SNRPB2: variants seen among roughly 807,000 people sequenced by gnomAD.
SNRPB2 encodes U2 small nuclear ribonucleoprotein B''.
Under a neutral mutation model 26.3 loss-of-function variants are expected in SNRPB2, and 16 were observed. The observed-to-expected ratio is 0.61, with a 90% confidence interval of 0.41 to 0.92. The LOEUF (loss-of-function observed/expected upper bound fraction) is 0.92. SNRPB2 is among the 40% of genes least tolerant of loss of function. The pLI, the probability that SNRPB2 is intolerant of heterozygous loss-of-function variation, is 0.00. For synonymous variants in SNRPB2, 75 were observed against 89.0 expected (o/e 0.84, Z 0.88); for missense variants, 179 against 268.1 (o/e 0.67, Z 2.32).
At chr20:16,735,947 T>C (rs956962139) in intron 3 of SNRPB2, among the ~76,000 whole-genome samples, 1 of 152,260 alleles carries the variant, frequency 6.6e-6, no homozygotes, top group African/African-American at 2.4e-5. Context: ...CACATGTCAA[T>C]GCTTCTATTG....
chr20:16,741,961 AAAAG>A lies in SNRPB2; in HGVS notation c.*960_*963del, dbSNP rs1364460121. On this transcript the variant is annotated 3_prime_UTR_variant, in exon 7 of 7. Coordinates refer to ENST00000246071, the MANE Select transcript of SNRPB2 (RefSeq NM_003092.5). ...TACATATTAATAGTAACAACAACAA[AAAAG>A]AAAACAGTACTTATTTTTCTGGTGT... 1.3e-5 allele frequency: 2 copies of A among 151,894 alleles called. No individual in the cohort carries two copies. Among genetic ancestry groups the A allele is most frequent in the Non-Finnish European group, 2.9e-5 (2 of 67,910 alleles). The allele number at this position is 151,894 out of a possible 1,614,324, so 9.4% of individuals were successfully genotyped here.
intron 3 of SNRPB2, among the ~76,000 whole-genome samples, chr20:16,736,784 A>C (rs1209289005): frequency 6.6e-6 from 1 of 152,160 alleles, no homozygotes. Context: ...TTCTATGTCA[A>C]GCTGAGCAGT....
intron 3 of SNRPB2, among the ~76,000 whole-genome samples, chr20:16,736,656 T>G (rs1225760987): frequency 6.6e-6 from 1 of 152,156 alleles, no homozygotes; most frequent in Non-Finnish European, 1.5e-5. Context: ...GGCGATTTTC[T>G]TTATTTTTCA....
chr20:16,732,411 TTGAA>T, intron 3 of SNRPB2, 75 bp downstream of exon 3: 1 of 793,076 alleles, frequency 1.3e-6, no homozygotes, highest in South Asian at 1.9e-5. Flanking sequence ...GTAAATATGC[TTGAA>T]ACTGTGGCTA....
chr20:16,737,397 G>T lies in SNRPB2; in HGVS notation c.374G>T (p.Gly125Val), dbSNP rs751894701. ...GCAACAACCACAAACAAAAAGCCTGGCCAGGTAAGAAAGACCAAGAAAGTT... is the reference window on the plus strand; with the variant it reads ...GCAACAACCACAAACAAAAAGCCTGTCCAGGTAAGAAAGACCAAGAAAGTT... ...QTATTTNKKPGQGTPNSANTQ... is the reference protein window; with the variant it reads ...QTATTTNKKPVQGTPNSANTQ... The change falls in exon 4 of 7, where the codon GGC becomes GTC. Residue 125 changes from glycine to valine, a missense_variant. Physicochemically the swap from Gly to Val is moderately radical, Grantham distance 109 (BLOSUM62 -3). Transcript: ENST00000246071. The T allele has an allele frequency of 2.5e-6, 4 of 1,579,822 alleles. No homozygotes were observed. The highest frequency in any genetic ancestry group is 2.0e-5 in the Admixed American group (1 of 48,862).
At chr20:16,733,966 A>G (rs373566500) in intron 3 of SNRPB2, among the ~76,000 whole-genome samples, 59 of 152,336 alleles carry the variant, frequency 3.9e-4, no homozygotes, top group African/African-American at 1.2e-3. Flanking sequence ...AAGAAACACC[A>G]TAATTGAGAT....
intron 5 of SNRPB2, among the ~76,000 whole-genome samples, chr20:16,739,109 T>G (rs6044281): frequency 0.37 from 56,379 of 152,068 alleles, 11,365 homozygotes; most frequent in African/African-American, 0.53. Flanking sequence ...CACCTGACTT[T>G]ATTTCTTGTT....
intron 3 of SNRPB2, 78 bp downstream of exon 3, chr20:16,732,414 A>G: frequency 1.3e-6 from 1 of 768,278 alleles, no homozygotes; most frequent in Non-Finnish European, 2.1e-6. Context: ...AATATGCTTG[A>G]AACTGTGGCT....
chr20:16,738,050 A>C (rs1340621794), intron 4 of SNRPB2, among the ~76,000 whole-genome samples: 1 of 142,948 alleles, frequency 7.0e-6, no homozygotes, highest in Non-Finnish European at 1.5e-5. Flanking sequence ...AAAAAAAAAA[A>C]AGAAAAAAAA....
chr20:16,740,229 T>G, intron 5 of SNRPB2, 96 bp from the exon 6 acceptor site: 1 of 1,547,502 alleles, frequency 6.5e-7, no homozygotes, highest in Non-Finnish European at 8.7e-7. Flanking sequence ...GTCATTGTTT[T>G]TCAGCTTTAT....
chr20:16,730,561 C>T (rs1568752303), intron 1 of SNRPB2: 1 of 152,236 alleles, frequency 6.6e-6, no homozygotes, highest in South Asian at 2.1e-4. Flanking sequence ...TCCTTTGCGA[C>T]CCCTGCCCCT....
chr20:16,731,212 G>A (rs558152451), intron 1 of SNRPB2, among the ~76,000 whole-genome samples: 1 of 152,310 alleles, frequency 6.6e-6, no homozygotes, highest in East Asian at 1.9e-4. Context: ...TGGTGATGCT[G>A]TATACAAATT....
chr20:16,734,748 G>A (rs1026529069), intron 3 of SNRPB2, among the ~76,000 whole-genome samples: 4 of 152,208 alleles, frequency 2.6e-5, no homozygotes, highest in African/African-American at 7.2e-5. Flanking sequence ...AGTGCTAGCT[G>A]TGCTCTGACA....
At chr20:16,735,838 T>A (rs763914824) in intron 3 of SNRPB2, among the ~76,000 whole-genome samples, 23 of 152,256 alleles carry the variant, frequency 1.5e-4, no homozygotes, top group Non-Finnish European at 2.8e-4. Flanking sequence ...TAAAGTCATT[T>A]CATGTAAAGG....
In SNRPB2 at chr20:16,742,059, CTT is replaced by C. The variant is rs1377741313; in HGVS notation, c.*1057_*1058del. On this transcript the variant is annotated 3_prime_UTR_variant, in exon 7 of 7. Transcript: ENST00000246071. ...TTTTTATTGTCTACTTATGGAAAGA[CTT>C]TTAGACTTACGTAGACAGTATCACA... The C allele has an allele frequency of 4.2e-5, 6 of 144,212 alleles. No individual in the cohort carries two copies. The highest frequency in any genetic ancestry group is 7.5e-5 in the Non-Finnish European group (5 of 66,680). 8.9% of individuals were successfully genotyped at this position (144,212 alleles called of 1,614,324 possible). A position where few individuals can be genotyped will look rare whatever the true frequency, so the allele number is the denominator to read the frequency against.
rs200518385 is a variant in SNRPB2, at chr20:16,739,905, AT to A, written c.430-403del. On this transcript the variant is annotated intron_variant, in intron 5 of 6. Coordinates refer to ENST00000246071, the MANE Select transcript of SNRPB2 (RefSeq NM_003092.5). ...CTCGGTGGTAATCTTTCTAGTTCCA[AT>A]TTTTTTTTTTTTTTTTAGTATGCTG... Among the ~76,000 whole-genome samples, 538 of 139,230 alleles carry A rather than the reference AT, an allele frequency of 3.9e-3. 1 individual carries two copies. The highest frequency in any genetic ancestry group is 5.0e-3 in the African/African-American group (190 of 37,732). The allele number at this position is 139,230 out of a possible 152,430, so 91.3% of individuals were successfully genotyped here.
intron 6 of SNRPB2, 116 bp from the exon 7 acceptor site, chr20:16,740,730 G>T (rs1411697984): frequency 1.3e-6 from 1 of 784,598 alleles, no homozygotes; most frequent in Non-Finnish European, 2.0e-6. Flanking sequence ...CAGTATTCTT[G>T]GTTAGAGTAT....
intron 5 of SNRPB2, among the ~76,000 whole-genome samples, chr20:16,739,550 C>G (rs2072449807): frequency 6.6e-6 from 1 of 152,054 alleles, no homozygotes; most frequent in South Asian, 2.1e-4. Flanking sequence ...TTTTTCTCCT[C>G]TTGTTTTAAG....
chr20:16,731,572 C>A, intron 1 of SNRPB2, 96 bp from the exon 2 acceptor site: 1 of 1,258,334 alleles, frequency 7.9e-7, no homozygotes, highest in Non-Finnish European at 1.1e-6. Context: ...CATTTTCTGA[C>A]AACTGGGATT....
Sources: allele counts gnomAD v4.1 joint callset (sites outside exome capture counted in the v4.1 genomes callset), GRCh38; gene constraint gnomAD v4.1.1; transcripts MANE v1.5; gene names NCBI Gene and HGNC (gene_info 2026-07-23, HGNC 2026-07-21).